The following RBBP5 variants were observed in gnomAD, a reference collection of about 807,000 sequenced individuals.
RBBP5 encodes retinoblastoma-binding protein 5.
RBBP5 carries 5 observed loss-of-function variants against 72.2 expected under a neutral mutation model. The observed-to-expected ratio is 0.07, with a 90% confidence interval of 0.04 to 0.15. The LOEUF is 0.15. Among genes scored for constraint, RBBP5 ranks in the 10% least tolerant of loss-of-function variants. The pLI is 1.00. For missense variants in RBBP5, 322 were observed against 652.2 expected (o/e 0.49, Z 5.51); for synonymous variants, 209 against 237.2 (o/e 0.88, Z 1.09).
At chr1:205,113,016 G>A (rs750051846) in intron 3 of RBBP5, among the ~76,000 whole-genome samples, 1 of 151,986 alleles carries the variant, frequency 6.6e-6, no homozygotes, top group Admixed American at 6.6e-5. Context: ...ACCTAGCTAC[G>A]CGGGAGGATC....
At chr1:205,119,570 C>T (rs1474987819) in intron 1 of RBBP5, among the ~76,000 whole-genome samples, 2 of 152,082 alleles carry the variant, frequency 1.3e-5, no homozygotes, top group African/African-American at 2.4e-5. Context: ...CCTTGTCTCC[C>T]ACACCATTCT....
rs144943169 is a variant in RBBP5, at chr1:205,087,759, T to C, written c.*1028A>G. 150 of 152,592 alleles carry C rather than the reference T, an allele frequency of 9.8e-4. No individual in the cohort carries two copies. The highest frequency in any genetic ancestry group is 1.2e-3 in the Non-Finnish European group (82 of 68,012). 9.5% of individuals were successfully genotyped at this position (152,592 alleles called of 1,614,324 possible). On this transcript the variant is annotated 3_prime_UTR_variant, in exon 14 of 14. Coordinates refer to ENST00000264515, the MANE Select transcript of RBBP5 (RefSeq NM_005057.4). ...GTCAAAAAAAAAGCTAAGCAACCTT[T>C]CACAGAAAGGAAGTGACTGAAAACA...
intron 3 of RBBP5, among the ~76,000 whole-genome samples, chr1:205,105,436 T>A (rs776933877): frequency 3.3e-5 from 5 of 152,192 alleles, no homozygotes; most frequent in Non-Finnish European, 7.3e-5. Context: ...GATTAAAACA[T>A]CTTAGAAGAG....
At chr1:205,110,646 A>G (rs960697669) in intron 3 of RBBP5, among the ~76,000 whole-genome samples, 7 of 152,238 alleles carry the variant, frequency 4.6e-5, no homozygotes, top group Non-Finnish European at 8.8e-5. Context: ...TCCCACATAA[A>G]AAGATATAGA....
intron 13 of RBBP5, among the ~76,000 whole-genome samples, chr1:205,090,666 G>A (rs1035772298): frequency 1.3e-5 from 2 of 152,124 alleles, no homozygotes; most frequent in Admixed American, 6.5e-5. Context: ...AATGTAACAG[G>A]TAGGAAAATT....
At chr1:205,105,421 T>C (rs917690818) in intron 3 of RBBP5, among the ~76,000 whole-genome samples, 1 of 152,170 alleles carries the variant, frequency 6.6e-6, no homozygotes, top group African/African-American at 2.4e-5. Flanking sequence ...CTCAGTGAAA[T>C]AAGAGATTAA....
rs1344486316 is a variant in RBBP5, at chr1:205,121,856, C to T, written c.18G>A (p.Leu6=). 5.0e-6 allele frequency: 8 copies of T among 1,612,112 alleles called. No homozygotes were observed. The highest frequency in any genetic ancestry group is 6.8e-6 in the Non-Finnish European group (8 of 1,180,018). ...AAACGCAGCCACAGCCCTTCTCACCCAGCAACTCGAGGTTCATCCCTGCGG... is the reference window on the plus strand; with the variant it reads ...AAACGCAGCCACAGCCCTTCTCACCTAGCAACTCGAGGTTCATCCCTGCGG... The part of the protein sequence containing the change: MNLEL[L]ESFGQNYPEE... Residue 6 remains leucine, a splice_region_variant and synonymous_variant, in exon 1 of 14, where the codon CTG becomes CTA. Transcript: ENST00000264515.
At chr1:205,106,466 G>T (rs1237291893) in intron 3 of RBBP5, among the ~76,000 whole-genome samples, 1 of 152,098 alleles carries the variant, frequency 6.6e-6, no homozygotes, top group South Asian at 2.1e-4. Context: ...GCATGGTGGT[G>T]TGCACCTGTA....
chr1:205,118,981 G>A (rs1222806910), intron 1 of RBBP5, among the ~76,000 whole-genome samples: 1 of 152,140 alleles, frequency 6.6e-6, no homozygotes, highest in African/African-American at 2.4e-5. Context: ...CATTACTTCT[G>A]TTCCTTTCCT....
In RBBP5 at chr1:205,104,903, T is replaced by C. The variant is rs913830867; in HGVS notation, c.359+125A>G. Reference sequence around the variant, plus strand: ...AGCCAACCTAGATGGAAAGATTATTTTATGTAGAAGGTTTGAAGAGATGTG... The same window carrying C: ...AGCCAACCTAGATGGAAAGATTATTCTATGTAGAAGGTTTGAAGAGATGTG... On this transcript the variant is annotated intron_variant, in intron 4 of 13. Coordinates refer to ENST00000264515, the MANE Select transcript of RBBP5 (RefSeq NM_005057.4). 7.3e-6 allele frequency: 8 copies of C among 1,089,042 alleles called. No homozygotes were observed. The African/African-American group carries it at 1.3e-4, about 17-fold the overall frequency. The allele number at this position is 1,089,042 out of a possible 1,614,324, so 67.5% of individuals were successfully genotyped here. A position where few individuals can be genotyped will look rare whatever the true frequency, so the allele number is the denominator to read the frequency against.
At chr1:205,117,783 T>C (rs1652497136) in intron 1 of RBBP5, among the ~76,000 whole-genome samples, 1 of 152,020 alleles carries the variant, frequency 6.6e-6, no homozygotes, top group Non-Finnish European at 1.5e-5. Context: ...GGAGGCTTTT[T>C]TTCTGTATCT....
chr1:205,094,027 A>G (rs1229052667), intron 13 of RBBP5, among the ~76,000 whole-genome samples: 1 of 152,336 alleles, frequency 6.6e-6, no homozygotes, highest in East Asian at 1.9e-4. Context: ...CCAAAGCCCA[A>G]TGTTTACACA....
intron 3 of RBBP5, among the ~76,000 whole-genome samples, chr1:205,107,048 G>A (rs1656093416): frequency 7.9e-6 from 1 of 125,924 alleles, no homozygotes; most frequent in African/African-American, 2.7e-5. Context: ...ATATATGTGT[G>A]TATATGTATG....
At chr1:205,118,627 AAAAAG>A (rs577682047) in intron 1 of RBBP5, among the ~76,000 whole-genome samples, 114 of 152,176 alleles carry the variant, frequency 7.5e-4, no homozygotes, top group Non-Finnish European at 1.1e-3. Flanking sequence ...CCTCTAAAGA[AAAAAG>A]AAAAGAAAAG....
At chr1:205,098,610 A>G (rs1323424778) in intron 10 of RBBP5, among the ~76,000 whole-genome samples, 2 of 152,132 alleles carry the variant, frequency 1.3e-5, no homozygotes, top group Non-Finnish European at 2.9e-5. Flanking sequence ...TTGGGAGGCC[A>G]AAGTGGGTGG....
intron 3 of RBBP5, among the ~76,000 whole-genome samples, chr1:205,109,179 A>G (rs1656202704): frequency 6.6e-6 from 1 of 152,178 alleles, no homozygotes; most frequent in Non-Finnish European, 1.5e-5. Context: ...GTCAACTCTA[A>G]AGAGGCCTAA....
At chr1:205,107,075 C>CATAT (rs200215378) in intron 3 of RBBP5, among the ~76,000 whole-genome samples, 11,108 of 129,266 alleles carry the variant, frequency 0.086, 701 homozygotes, top group African/African-American at 0.17. Flanking sequence ...TGTGTGTATA[C>CATAT]ATATATATAT....
At chr1:205,105,833 A>G (rs1017944815) in intron 3 of RBBP5, among the ~76,000 whole-genome samples, 4 of 152,272 alleles carry the variant, frequency 2.6e-5, no homozygotes, top group Admixed American at 6.5e-5. Context: ...AAGGGACCAG[A>G]AAAGGACAGC....
At chr1:205,113,669 C>T (rs1656406179) in intron 3 of RBBP5, among the ~76,000 whole-genome samples, 1 of 148,094 alleles carries the variant, frequency 6.8e-6, no homozygotes, top group African/African-American at 2.5e-5. Context: ...CACATACACA[C>T]ACACATAAAA....
Sources: allele counts gnomAD v4.1 joint callset (sites outside exome capture counted in the v4.1 genomes callset), GRCh38; gene constraint gnomAD v4.1.1; transcripts MANE v1.5; gene names NCBI Gene and HGNC (gene_info 2026-07-23, HGNC 2026-07-21).